PAPPA2: variants seen among roughly 807,000 people sequenced by gnomAD.
PAPPA2 encodes the protein pappalysin 2, also known as pappalysin-2.
A neutral mutation model predicts 176.4 loss-of-function variants in PAPPA2; 86 were observed. That is an observed-to-expected ratio of 0.49 (90% CI 0.41 to 0.58). The LOEUF is 0.58. Among genes scored for constraint, PAPPA2 ranks in the 20% least tolerant of loss-of-function variants. The pLI, the probability that PAPPA2 is intolerant of heterozygous loss-of-function variation, is 0.00. For missense variants in PAPPA2, 2,073 were observed against 2,256.9 expected (o/e 0.92, Z 1.65); for synonymous variants, 809 against 852.2 (o/e 0.95, Z 0.88).
intron 1 of PAPPA2, among the ~76,000 whole-genome samples, chr1:176,553,889 T>C (rs1420543129): frequency 6.6e-6 from 1 of 151,984 alleles, no homozygotes; most frequent in East Asian, 1.9e-4. Flanking sequence ...TCTTTCTCTC[T>C]CTCTCTCCCC....
At chr1:176,518,556 A>G (rs993424151) in intron 1 of PAPPA2, among the ~76,000 whole-genome samples, 2 of 152,182 alleles carry the variant, frequency 1.3e-5, no homozygotes, top group Non-Finnish European at 2.9e-5. Context: ...ACAGAAAATA[A>G]TGCCTTTAAG....
intron 1 of PAPPA2, among the ~76,000 whole-genome samples, chr1:176,516,586 GC>G (rs1648926329): frequency 6.6e-6 from 1 of 152,198 alleles, no homozygotes; most frequent in South Asian, 2.1e-4. Context: ...TTATAAAAGA[GC>G]TTGAGGGAAC....
chr1:176,579,327 G>A (rs946533175), intron 2 of PAPPA2, among the ~76,000 whole-genome samples: 5 of 152,206 alleles, frequency 3.3e-5, no homozygotes, highest in African/African-American at 1.2e-4. Flanking sequence ...TGAGTTTTCT[G>A]TTGTATGCTC....
At chr1:176,501,096 A>G (rs951691755) in intron 1 of PAPPA2, among the ~76,000 whole-genome samples, 20 of 148,648 alleles carry the variant, frequency 1.3e-4, no homozygotes, top group African/African-American at 4.4e-4. Flanking sequence ...TTTATAATAG[A>G]ATAATATGAT....
chr1:176,737,376 A>G (rs933153184), intron 12 of PAPPA2, among the ~76,000 whole-genome samples: 1 of 152,024 alleles, frequency 6.6e-6, no homozygotes, highest in African/African-American at 2.4e-5. Context: ...ATACATGTAC[A>G]TGCAGATTCA....
At chr1:176,644,879 A>C (rs1573185479) in intron 3 of PAPPA2, among the ~76,000 whole-genome samples, 1 of 151,852 alleles carries the variant, frequency 6.6e-6, no homozygotes, top group Admixed American at 6.6e-5. Flanking sequence ...AGAAATATGC[A>C]TGCAATTTTA....
intron 20 of PAPPA2, among the ~76,000 whole-genome samples, chr1:176,797,899 T>G (rs926442668): frequency 1.3e-5 from 2 of 152,202 alleles, no homozygotes; most frequent in Non-Finnish European, 2.9e-5. Flanking sequence ...ATGAGATATA[T>G]GATTTTCATA....
chr1:176,750,266 A>G (rs567792560), intron 14 of PAPPA2, among the ~76,000 whole-genome samples: 40 of 152,236 alleles, frequency 2.6e-4, no homozygotes, highest in African/African-American at 9.6e-4. Context: ...ACCTCCCAAA[A>G]ACTTAACTAT....
rs775546774 is a variant in PAPPA2, at chr1:176,800,027, T to C, written c.5131-34T>C. 3 of 1,611,538 alleles carry C rather than the reference T, an allele frequency of 1.9e-6. No individual in the cohort carries two copies. The East Asian group carries it at 6.7e-5, about 36-fold the overall frequency. ...TCTCACACACAACAAATGTCTTTAA[T>C]TTTGTTTTCTGTTTTTCCCGTCTTT... On this transcript the variant is annotated intron_variant, in intron 20 of 22. Transcript: ENST00000367662.
At chr1:176,829,289 G>GA (rs113825507) in intron 21 of PAPPA2, among the ~76,000 whole-genome samples, 8,800 of 144,956 alleles carry the variant, frequency 0.061, 332 homozygotes, top group Non-Finnish European at 0.088. Flanking sequence ...AGAGAATGGG[G>GA]AAAAAAAAAA....
chr1:176,611,645 A>G (rs1654934243), intron 3 of PAPPA2, among the ~76,000 whole-genome samples: 2 of 152,186 alleles, frequency 1.3e-5, no homozygotes, highest in South Asian at 2.1e-4. Flanking sequence ...TGATAAGGAT[A>G]TGTAATGGAG....
chr1:176,805,017 A>G (rs554181992), intron 21 of PAPPA2, among the ~76,000 whole-genome samples: 226 of 152,288 alleles, frequency 1.5e-3, no homozygotes, highest in Non-Finnish European at 2.2e-3. Context: ...CACTCCATCC[A>G]TGAACACTGT....
intron 3 of PAPPA2, among the ~76,000 whole-genome samples, chr1:176,649,393 TG>T (rs1241492798): frequency 2.8e-4 from 43 of 151,236 alleles, no homozygotes; most frequent in Middle Eastern, 3.4e-3. Context: ...GTTTTTTTTT[TG>T]TTTTTCTTTT....
In PAPPA2 at chr1:176,758,256, T is replaced by C. The variant is rs569160283; in HGVS notation, c.4152-7410T>C. ...TTCTCAACACCTCAAAGTACCAGCATTGGTCCTCCCAAGAAGGAAATATAT... is the reference window on the plus strand; with the variant it reads ...TTCTCAACACCTCAAAGTACCAGCACTGGTCCTCCCAAGAAGGAAATATAT... On this transcript the variant is annotated intron_variant, in intron 14 of 22. Coordinates refer to ENST00000367662, the MANE Select transcript of PAPPA2 (RefSeq NM_020318.3). Among the ~76,000 whole-genome samples the C allele has an allele frequency of 6.6e-5, 10 of 152,330 alleles. No individual in the cohort carries two copies. In the East Asian group the frequency reaches 1.2e-3, roughly 18 times the overall value.
At chr1:176,660,332 TTGTTTGTG>T (rs970790638) in intron 3 of PAPPA2, among the ~76,000 whole-genome samples, 4 of 82,822 alleles carry the variant, frequency 4.8e-5, no homozygotes, top group Non-Finnish European at 7.8e-5. Context: ...TAGTAATTGT[TTGTTTGTG>T]TGTGTGTGTG....
chr1:176,841,726 C>T (rs189859510), intron 22 of PAPPA2, among the ~76,000 whole-genome samples: 1 of 152,188 alleles, frequency 6.6e-6, no homozygotes, highest in Admixed American at 6.5e-5. Flanking sequence ...GGCAATACAG[C>T]CACAAACAAT....
intron 2 of PAPPA2, among the ~76,000 whole-genome samples, chr1:176,584,802 T>C (rs1165518007): frequency 6.6e-6 from 1 of 152,282 alleles, no homozygotes; most frequent in African/African-American, 2.4e-5. Context: ...GGGTGCCATC[T>C]CGGCGCAGTG....
At chr1:176,661,004 A>G (rs1265657008) in intron 3 of PAPPA2, among the ~76,000 whole-genome samples, 1 of 152,104 alleles carries the variant, frequency 6.6e-6, no homozygotes, top group Non-Finnish European at 1.5e-5. Context: ...TTTGTTACAT[A>G]AACACCAAAA....
At chr1:176,681,711 A>T (rs959911624) in intron 4 of PAPPA2, among the ~76,000 whole-genome samples, 5 of 152,144 alleles carry the variant, frequency 3.3e-5, no homozygotes, top group Admixed American at 2.6e-4. Flanking sequence ...AATATATAAA[A>T]TTTTTCAGTG....
Sources: allele counts gnomAD v4.1 joint callset (sites outside exome capture counted in the v4.1 genomes callset), GRCh38; gene constraint gnomAD v4.1.1; transcripts MANE v1.5; gene names NCBI Gene and HGNC (gene_info 2026-07-23, HGNC 2026-07-21).